Variants in NFIA observed in about 807,000 individuals in gnomAD.
The protein encoded by NFIA is nuclear factor 1 A-type.
NFIA carries 8 observed loss-of-function variants against 62.8 expected under a neutral mutation model. The ratio of observed to expected loss-of-function variants is 0.13; its 90% CI spans 0.07 to 0.23. The LOEUF is 0.23. Ranked by LOEUF, NFIA falls within the 10% of genes least tolerant of loss-of-function variation. The probability of loss-of-function intolerance (pLI) is 1.00; values close to 1 mark genes in which losing one functional copy is unlikely to be tolerated. For synonymous variants in NFIA, 235 were observed against 238.1 expected (o/e 0.99, Z 0.12); for missense variants, 410 against 642.1 (o/e 0.64, Z 3.91).
intron 2 of NFIA, among the ~76,000 whole-genome samples, chr1:61,126,333 C>G (rs1196290314): frequency 6.6e-6 from 1 of 152,080 alleles, no homozygotes; most frequent in Non-Finnish European, 1.5e-5. Flanking sequence ...TCAGGAGGAT[C>G]ACAGAGCTGA....
At chr1:61,205,940 T>G (rs1652868571) in intron 2 of NFIA, among the ~76,000 whole-genome samples, 1 of 134,116 alleles carries the variant, frequency 7.5e-6, no homozygotes. Flanking sequence ...TGAGACAGGG[T>G]CTTGCTTGCT....
rs77320750 is a variant in NFIA at position 61,294,821 on chromosome 1, G to A, written c.625+17236G>A. Among the ~76,000 whole-genome samples the A allele has an allele frequency of 6.3e-3, 963 of 152,244 alleles. 11 individuals carry two copies. Among genetic ancestry groups the A allele is most frequent in the African/African-American group, 0.022 (903 of 41,528 alleles). ...AGTGTGAGCTCTCTCTGAGTCTGTC[G>A]CTGGTAAGATGGTGAACAGTGCTGT... On this transcript the variant is annotated intron_variant, in intron 3 of 10. Transcript: ENST00000403491.
intron 2 of NFIA, among the ~76,000 whole-genome samples, chr1:61,158,622 A>G (rs1648971714): frequency 6.6e-6 from 1 of 152,182 alleles, no homozygotes; most frequent in Non-Finnish European, 1.5e-5. Context: ...AATGGAAGAG[A>G]TTGATTTGAA....
At chr1:61,082,863 G>C in intron 1 of NFIA, 45 bp downstream of exon 1, 5 of 1,538,604 alleles carry the variant, frequency 3.2e-6, no homozygotes, top group Admixed American at 2.0e-5. Flanking sequence ...CCGGGGCGCC[G>C]GGGGCAGGGC....
intron 2 of NFIA, among the ~76,000 whole-genome samples, chr1:61,261,744 C>A (rs950434010): frequency 6.6e-6 from 1 of 152,164 alleles, no homozygotes; most frequent in Non-Finnish European, 1.5e-5. Context: ...AGCAAGCTGG[C>A]GATCTGCCTT....
intron 2 of NFIA, among the ~76,000 whole-genome samples, chr1:61,209,008 G>A (rs931358116): frequency 2.0e-5 from 3 of 152,118 alleles, no homozygotes; most frequent in Non-Finnish European, 4.4e-5. Flanking sequence ...GTCATTCCCA[G>A]CGCTGCCTGG....
intron 9 of NFIA, among the ~76,000 whole-genome samples, chr1:61,409,315 C>T (rs904853400): frequency 6.6e-6 from 1 of 152,120 alleles, no homozygotes; most frequent in Non-Finnish European, 1.5e-5. Flanking sequence ...CATTTTAGCC[C>T]TTGTTCAGCT....
intron 2 of NFIA, among the ~76,000 whole-genome samples, chr1:61,159,726 G>C (rs1649055880): frequency 6.7e-6 from 1 of 148,794 alleles, no homozygotes. Context: ...CTGTTGCCCG[G>C]GCTGGAGTGC....
At chr1:61,407,338 G>A (rs1241077456) in intron 9 of NFIA, among the ~76,000 whole-genome samples, 1 of 152,144 alleles carries the variant, frequency 6.6e-6, no homozygotes, top group African/African-American at 2.4e-5. Flanking sequence ...ATGGAAGGAG[G>A]AGAGAAGTCT....
At chr1:61,404,054 G>T in intron 7 of NFIA, 50 bp from the exon 8 acceptor site, 3 of 1,599,142 alleles carry the variant, frequency 1.9e-6, no homozygotes, top group South Asian at 2.2e-5. Flanking sequence ...GTTCAGCTAT[G>T]ACAAAGCAGG....
chr1:61,371,937 G>A (rs1467390727), intron 6 of NFIA, among the ~76,000 whole-genome samples: 3 of 152,116 alleles, frequency 2.0e-5, no homozygotes, highest in African/African-American at 7.2e-5. Flanking sequence ...TTCATTGCAT[G>A]AGTAGAAGAA....
At chr1:61,359,299 T>C in intron 6 of NFIA, 25 bp downstream of exon 6, 1 of 1,611,978 alleles carries the variant, frequency 6.2e-7, no homozygotes, top group South Asian at 1.1e-5. Context: ...GGCACGGGCA[T>C]GTGGCTAACA....
chr1:61,264,004 G>A (rs1324334913), intron 2 of NFIA, among the ~76,000 whole-genome samples: 1 of 151,804 alleles, frequency 6.6e-6, no homozygotes, highest in African/African-American at 2.4e-5. Context: ...AAAAAAAAGT[G>A]TAAACTTTTA....
At chr1:61,121,421 G>A (rs930811115) in intron 2 of NFIA, among the ~76,000 whole-genome samples, 3 of 152,062 alleles carry the variant, frequency 2.0e-5, no homozygotes, top group Non-Finnish European at 1.5e-5. Context: ...TAAAATGCGT[G>A]CACAGGAAAT....
In NFIA at chr1:61,450,245, A is replaced by T. The variant is rs534152669; in HGVS notation, c.1513-5058A>T. Among the ~76,000 whole-genome samples, 6 of 152,322 alleles carry T rather than the reference A, an allele frequency of 3.9e-5. No individual in the cohort carries two copies. The South Asian group carries it at 1.2e-3, about 32-fold the overall frequency. The stretch of plus-strand genomic sequence containing the variant: ...CTTAGTGCTTGTTGGATGAGTGAAT[A>T]AATGCTCCCAAATGGTTTATGCGAA... On this transcript the variant is annotated intron_variant, in intron 10 of 10. Transcript: ENST00000403491.
intron 2 of NFIA, among the ~76,000 whole-genome samples, chr1:61,123,630 A>G (rs1340258161): frequency 6.6e-6 from 1 of 152,224 alleles, no homozygotes; most frequent in African/African-American, 2.4e-5. Flanking sequence ...AGATGAATGC[A>G]TGCTTCCTCT....
chr1:61,219,724 AAAG>A (rs1264904732), intron 2 of NFIA, among the ~76,000 whole-genome samples: 5 of 151,296 alleles, frequency 3.3e-5, no homozygotes, highest in Non-Finnish European at 7.4e-5. Flanking sequence ...AAAAAAAAAA[AAAG>A]AAAAAAGGCG....
intron 10 of NFIA, among the ~76,000 whole-genome samples, chr1:61,428,544 A>C (rs955613139): frequency 1.3e-4 from 20 of 152,006 alleles, no homozygotes; most frequent in African/African-American, 2.4e-4. Context: ...TTTTTCCCCC[A>C]AAAAAAGATA....
chr1:61,245,257 GT>G (rs1160520764), intron 2 of NFIA, among the ~76,000 whole-genome samples: 1 of 152,072 alleles, frequency 6.6e-6, no homozygotes, highest in Non-Finnish European at 1.5e-5. Context: ...GAGGGGCATG[GT>G]TTTTGTTTTG....
Sources: allele counts gnomAD v4.1 joint callset (sites outside exome capture counted in the v4.1 genomes callset), GRCh38; gene constraint gnomAD v4.1.1; transcripts MANE v1.5; gene names NCBI Gene and HGNC (gene_info 2026-07-23, HGNC 2026-07-21).